Variants in SMYD1 observed in about 807,000 individuals in gnomAD.
SMYD1 encodes the protein histone-lysine N-methyltransferase SMYD1.
A neutral mutation model predicts 54.0 loss-of-function variants in SMYD1; 49 were observed. The observed-to-expected ratio is 0.91, with a 90% CI of 0.72 to 1.15. The LOEUF (loss-of-function observed/expected upper bound fraction) is 1.15, where lower values mean the gene tolerates loss of function less well. Among genes scored for constraint, SMYD1 ranks in the 50% most tolerant of loss-of-function variants. SMYD1 has a pLI of 0.00. For synonymous variants in SMYD1, 269 were observed against 234.2 expected, an observed-to-expected ratio of 1.15 and a Z score of -1.36; for missense variants, 653 against 639.6, an observed-to-expected ratio of 1.02 and a Z score of -0.23.
intron 6 of SMYD1, among the ~76,000 whole-genome samples, chr2:88,098,990 C>A (rs771830821): frequency 2.0e-5 from 3 of 152,170 alleles, no homozygotes; most frequent in Non-Finnish European, 4.4e-5. Flanking sequence ...AAAATAATAG[C>A]AAAACTTATG....
At chr2:88,110,200 A>AGAGAGT (rs139694354) in intron 9 of SMYD1, among the ~76,000 whole-genome samples, 154 bp from the exon 10 acceptor site, 7 of 138,988 alleles carry the variant, frequency 5.0e-5, no homozygotes, top group African/African-American at 1.7e-4. Context: ...TTGATGAATG[A>AGAGAGT]GTGTGTGTGT....
chr2:88,084,465 A>G lies in SMYD1; in HGVS notation c.287A>G (p.Tyr96Cys). 1 of 1,596,832 alleles carries G rather than the reference A, an allele frequency of 6.3e-7. No homozygotes were observed. Among genetic ancestry groups the G allele is most frequent in the Non-Finnish European group, 8.6e-7 (1 of 1,165,942 alleles). The stretch of plus-strand genomic sequence containing the variant: ...AATGAATGTTCGGCCATCAAGAGAT[A>G]TGGGAAGGTGCCCAATGAGAACATC... ...HKNECSAIKR[Y>C]GKVPNENIRL... is the part of the protein sequence containing the mutation. The change falls in exon 2 of 10, where the codon TAT becomes TGT. Residue 96 changes from tyrosine to cysteine, a missense_variant. Physicochemically the swap from Tyr to Cys is radical, Grantham distance 194. Transcript: ENST00000419482.
intron 1 of SMYD1, among the ~76,000 whole-genome samples, chr2:88,076,254 G>A (rs1002078044): frequency 1.2e-4 from 18 of 152,024 alleles, no homozygotes; most frequent in Non-Finnish European, 2.1e-4. Context: ...TCGCTCTGTC[G>A]CCCAGGCTGG....
Position 88,112,883 on chromosome 2 carries a change from T to C in SMYD1, c.*2371T>C, listed in dbSNP as rs1219367673. The C allele has an allele frequency of 6.6e-6, 1 of 152,346 alleles. No individual in the cohort carries two copies. The highest frequency in any genetic ancestry group is 1.9e-4 in the East Asian group (1 of 5,194). 9.4% of individuals were successfully genotyped at this position (152,346 alleles called of 1,614,324 possible). ...TCCTGGAGTTGGTTTTGTCCTTGAT[T>C]CATTCTCATGTCATTCTGCACACAG... On this transcript the variant is annotated 3_prime_UTR_variant, in exon 10 of 10. Coordinates refer to ENST00000419482, the MANE Select transcript of SMYD1 (RefSeq NM_198274.4).
chr2:88,087,885 G>T lies in SMYD1; in HGVS notation c.338G>T (p.Arg113Leu), dbSNP rs149281444. Residue 113 changes from arginine (R) to leucine (L), a missense_variant, in exon 3 of 10, where the codon CGG (arginine) becomes CTG (leucine). Coordinates refer to ENST00000419482, the MANE Select transcript of SMYD1 (RefSeq NM_198274.4). ...AGGCTGGCGGCGCGCATCATGTGGC[G>T]GGTGGAGAGAGAAGGCACCGGGCTC... Reference protein sequence around the residue: ...NIRLAARIMWRVEREGTGLTE... With the variant: ...NIRLAARIMWLVEREGTGLTE... 1 of 1,596,456 alleles carries T rather than the reference G, an allele frequency of 6.3e-7. No homozygotes were observed. The highest frequency in any genetic ancestry group is 8.5e-7 in the Non-Finnish European group (1 of 1,170,006).
chr2:88,075,635 C>T (rs942133883), intron 1 of SMYD1, among the ~76,000 whole-genome samples: 95 of 150,696 alleles, frequency 6.3e-4, no homozygotes, highest in African/African-American at 2.3e-3. Context: ...CCTGCTGGGC[C>T]CAAGCCATCC....
chr2:88,087,532 G>A (rs937052476), intron 2 of SMYD1, among the ~76,000 whole-genome samples: 1 of 152,102 alleles, frequency 6.6e-6, no homozygotes, highest in African/African-American at 2.4e-5. Flanking sequence ...CAGTATCACA[G>A]AGCCAGCTCC....
intron 1 of SMYD1, 128 bp downstream of exon 1, chr2:88,068,129 A>G: frequency 7.7e-7 from 1 of 1,293,370 alleles, no homozygotes; most frequent in South Asian, 1.6e-5. Context: ...ACAAAATGGC[A>G]CTTCTGAGAG....
intron 4 of SMYD1, among the ~76,000 whole-genome samples, chr2:88,091,648 A>G (rs1189624873): frequency 6.6e-6 from 1 of 152,188 alleles, no homozygotes; most frequent in Non-Finnish European, 1.5e-5. Context: ...GGAGTTTGAG[A>G]TCAGCGTGGA....
intron 6 of SMYD1, 31 bp from the exon 7 acceptor site, chr2:88,103,027 A>T: frequency 2.5e-6 from 4 of 1,595,484 alleles, no homozygotes; most frequent in South Asian, 1.1e-5. Context: ...TCATGAAGGC[A>T]TCTCTAGCTC....
intron 1 of SMYD1, among the ~76,000 whole-genome samples, chr2:88,080,295 G>A (rs1342885988): frequency 7.1e-6 from 1 of 140,868 alleles, no homozygotes; most frequent in Non-Finnish European, 1.6e-5. Context: ...TTTCATTTGT[G>A]TTTGAAATTT....
intron 2 of SMYD1, among the ~76,000 whole-genome samples, 155 bp downstream of exon 2, chr2:88,084,647 A>G (rs1393284851): frequency 6.6e-6 from 1 of 152,210 alleles, no homozygotes; most frequent in Non-Finnish European, 1.5e-5. Context: ...TCACTCCCTT[A>G]AGGTCTAAGA....
chr2:88,090,648 C>T (rs1456464022), intron 3 of SMYD1, among the ~76,000 whole-genome samples: 1 of 152,150 alleles, frequency 6.6e-6, no homozygotes, highest in East Asian at 1.9e-4. Context: ...CACACACACA[C>T]GCCCACGCGC....
In SMYD1 at chr2:88,084,506, A is replaced by T; in HGVS notation, c.314+14A>T. On this transcript the variant is annotated intron_variant, in intron 2 of 9. Coordinates refer to ENST00000419482, the MANE Select transcript of SMYD1 (RefSeq NM_198274.4). ...TGAGAACATCAGGTGAGAGCTGGGC[A>T]CCCTGGTGGTGCTTCAGATTTCCAA... 2 of 1,560,182 alleles carry T rather than the reference A, an allele frequency of 1.3e-6. No individual in the cohort carries two copies. Among genetic ancestry groups the T allele is most frequent in the South Asian group, 2.3e-5 (2 of 87,064 alleles).
In SMYD1 at chr2:88,103,123, G is replaced by C; in HGVS notation, c.954G>C (p.Lys318Asn). The C allele has an allele frequency of 6.2e-7, 1 of 1,614,016 alleles. No homozygotes were observed. The highest frequency in any genetic ancestry group is 8.5e-7 in the Non-Finnish European group (1 of 1,179,946). The change falls in exon 7 of 10, where the codon AAG becomes AAC. Residue 318 changes from lysine to asparagine, a missense_variant. By Grantham distance (94) the Lys-to-Asn change is moderately conservative. Transcript: ENST00000419482. ...AGGATACATTGGAAAAGATAGACAA[G>C]GCTCGTTCCGAGGGTTTGTATCATG... Reference protein sequence around the residue: ...FSKDTLEKIDKARSEGLYHEV... With the variant: ...FSKDTLEKIDNARSEGLYHEV...
intron 1 of SMYD1, among the ~76,000 whole-genome samples, chr2:88,077,084 G>C (rs1033196636): frequency 2.6e-5 from 4 of 151,938 alleles, no homozygotes; most frequent in Admixed American, 2.6e-4. Context: ...GAGTTTGTAA[G>C]CATCCCTGAA....
chr2:88,068,853 A>C (rs929973203), intron 1 of SMYD1, among the ~76,000 whole-genome samples: 1 of 152,192 alleles, frequency 6.6e-6, no homozygotes, highest in Admixed American at 6.5e-5. Flanking sequence ...CATTTTATTT[A>C]TCCATTCCCC....
At chr2:88,102,974 G>T (rs778820472) in intron 6 of SMYD1, 84 bp from the exon 7 acceptor site, 2 of 1,031,884 alleles carry the variant, frequency 1.9e-6, no homozygotes, top group South Asian at 2.7e-5. Flanking sequence ...GTGCTACATT[G>T]AATGTCAAAG....
At chr2:88,109,290 A>G (rs191244010) in intron 9 of SMYD1, among the ~76,000 whole-genome samples, 16 of 124,528 alleles carry the variant, frequency 1.3e-4, no homozygotes, top group Admixed American at 6.1e-4. Context: ...GCACACAGCC[A>G]TTTATATTAG....
Sources: gnomAD v4.1 joint callset for allele counts (sites outside exome capture counted in the v4.1 genomes callset) on GRCh38, gnomAD v4.1.1 for gene constraint, MANE v1.5 for transcripts, NCBI Gene and HGNC (gene_info 2026-07-23, HGNC 2026-07-21) for gene names.